The following TIMM17A variants were observed in gnomAD, a reference collection of about 807,000 sequenced individuals.
TIMM17A encodes the protein mitochondrial import inner membrane translocase subunit Tim17-A.
In TIMM17A, 15 loss-of-function variants were observed where a neutral mutation model predicts 26.5. That is an observed-to-expected ratio of 0.57 (90% CI 0.38 to 0.87). The LOEUF (loss-of-function observed/expected upper bound fraction) is 0.87, where lower values mean the gene tolerates loss of function less well. TIMM17A is among the 40% of genes least tolerant of loss of function. The pLI is 0.00. For missense variants in TIMM17A, 201 were observed against 210.0 expected (o/e 0.96, Z 0.27); for synonymous variants, 80 against 70.8 (o/e 1.13, Z -0.66).
chr1:201,968,862 T>C (rs1343845671), intron 5 of TIMM17A, among the ~76,000 whole-genome samples: 1 of 151,468 alleles, frequency 6.6e-6, no homozygotes, highest in Non-Finnish European at 1.5e-5. Flanking sequence ...GGAGAAAAGA[T>C]TGATTCATCC....
At chr1:201,963,011 T>C (rs1228432617) in intron 3 of TIMM17A, 3 of 152,212 alleles carry the variant, frequency 2.0e-5, no homozygotes, top group Admixed American at 6.5e-5. Flanking sequence ...CAGAGAGATA[T>C]GTTATTCTGG....
chr1:201,969,398 A>G lies in TIMM17A; in HGVS notation c.431-71A>G, dbSNP rs1348603532. 5.7e-6 allele frequency: 7 copies of G among 1,225,702 alleles called. No individual in the cohort carries two copies. In the East Asian group the frequency reaches 9.8e-5, roughly 17 times the overall value. 75.9% of individuals were successfully genotyped at this position (1,225,702 alleles called of 1,614,324 possible). A position where few individuals can be genotyped will look rare whatever the true frequency, so the allele number is the denominator to read the frequency against. The stretch of plus-strand genomic sequence containing the variant: ...TTTGTTGTTGATTGATTTACTCTCT[A>G]TAGAGATTTGTTCTTTTTAATAATA... On this transcript the variant is annotated intron_variant, in intron 5 of 5. Transcript: ENST00000367287.
chr1:201,969,254 A>AGCAT (rs1190156158), intron 5 of TIMM17A, among the ~76,000 whole-genome samples: 1 of 152,148 alleles, frequency 6.6e-6, no homozygotes. Flanking sequence ...TTCATTCTGG[A>AGCAT]GCATAGCAAG....
chr1:201,962,056 T>G (rs1204828440), intron 3 of TIMM17A, among the ~76,000 whole-genome samples: 1 of 152,166 alleles, frequency 6.6e-6, no homozygotes, highest in African/African-American at 2.4e-5. Context: ...CTCATCCTGC[T>G]TAGACTCAAA....
intron 3 of TIMM17A, chr1:201,962,827 T>G (rs1682557376): frequency 6.6e-6 from 1 of 152,260 alleles, no homozygotes; most frequent in African/African-American, 2.4e-5. Flanking sequence ...ACACCTGTAA[T>G]ACGTTCCAGA....
intron 2 of TIMM17A, 59 bp from the exon 3 acceptor site, chr1:201,957,452 C>T: frequency 6.3e-7 from 1 of 1,595,310 alleles, no homozygotes; most frequent in Non-Finnish European, 8.6e-7. Flanking sequence ...GTGGTCCCAT[C>T]AGTGGCTTAG....
chr1:201,968,074 G>A (rs1682667469), intron 5 of TIMM17A, among the ~76,000 whole-genome samples: 2 of 152,248 alleles, frequency 1.3e-5, no homozygotes, highest in South Asian at 4.1e-4. Flanking sequence ...TCAGCTTACT[G>A]CACCCTCCGC....
chr1:201,966,846 A>AATAT (rs954232009), intron 5 of TIMM17A, among the ~76,000 whole-genome samples: 1 of 144,314 alleles, frequency 6.9e-6, no homozygotes, highest in Non-Finnish European at 1.5e-5. Flanking sequence ...CATCTCAAAA[A>AATAT]ATATATATAT....
chr1:201,966,269 C>T (rs549604563), intron 5 of TIMM17A, among the ~76,000 whole-genome samples: 108 of 151,972 alleles, frequency 7.1e-4, no homozygotes, highest in South Asian at 8.3e-4. Context: ...TCAGGAGGCA[C>T]GAGAATCAGT....
intron 4 of TIMM17A, among the ~76,000 whole-genome samples, 182 bp downstream of exon 4, chr1:201,963,926 A>G (rs1682577869): frequency 6.6e-6 from 1 of 151,908 alleles, no homozygotes; most frequent in Admixed American, 6.6e-5. Context: ...GGAGCTTGAG[A>G]TCAGATATAG....
At chr1:201,957,011 TTAGG>T (rs1373693645) in intron 1 of TIMM17A, among the ~76,000 whole-genome samples, 1 of 151,952 alleles carries the variant, frequency 6.6e-6, no homozygotes, top group Non-Finnish European at 1.5e-5. Flanking sequence ...TACTAAATCA[TTAGG>T]TAGCCCCTTT....
intron 1 of TIMM17A, among the ~76,000 whole-genome samples, chr1:201,956,521 A>G (rs1445587751): frequency 6.6e-6 from 1 of 152,202 alleles, no homozygotes; most frequent in African/African-American, 2.4e-5. Context: ...TGGCTCTTCA[A>G]ACTTATCTTC....
intron 1 of TIMM17A, 41 bp downstream of exon 1, chr1:201,955,593 G>GC: frequency 1.2e-5 from 19 of 1,613,870 alleles, no homozygotes; most frequent in Non-Finnish European, 1.5e-5. Context: ...TTGCCCCCCT[G>GC]CCCACTGCCC....
intron 5 of TIMM17A, 29 bp downstream of exon 5, chr1:201,965,572 C>T: frequency 7.2e-7 from 1 of 1,386,916 alleles, no homozygotes; most frequent in Non-Finnish European, 1.0e-6. Context: ...AACTATAGCT[C>T]AAACATTTTG....
chr1:201,966,991 T>TTATA (rs572223784), intron 5 of TIMM17A, among the ~76,000 whole-genome samples: 1 of 133,098 alleles, frequency 7.5e-6, no homozygotes, highest in Non-Finnish European at 1.6e-5. Flanking sequence ...ATTATATATG[T>TTATA]TGTGTGTGTG....
chr1:201,969,275 A>C (rs1243643750), intron 5 of TIMM17A, among the ~76,000 whole-genome samples, 194 bp from the exon 6 acceptor site: 2 of 152,196 alleles, frequency 1.3e-5, no homozygotes, highest in Non-Finnish European at 2.9e-5. Context: ...CCAGTCTGTC[A>C]TATGTTATAC....
intron 3 of TIMM17A, chr1:201,962,983 G>A (rs1232126462): frequency 6.6e-6 from 1 of 152,056 alleles, no homozygotes; most frequent in Non-Finnish European, 1.5e-5. Flanking sequence ...GTTTGATTTT[G>A]TTTATTGCTG....
chr1:201,959,845 A>T (rs1293921094), intron 3 of TIMM17A, among the ~76,000 whole-genome samples: 2 of 151,202 alleles, frequency 1.3e-5, no homozygotes, highest in Non-Finnish European at 2.9e-5. Flanking sequence ...AACAACAACA[A>T]AAAAAATTAG....
chr1:201,955,702 AGTCGGCTTCTT>A, intron 1 of TIMM17A, 150 bp downstream of exon 1: 1 of 1,116,416 alleles, frequency 9.0e-7, no homozygotes, highest in Non-Finnish European at 1.3e-6. Flanking sequence ...TTTCGCGGCC[AGTCGGCTTCTT>A]AGCCCTGTAC....
Sources: gnomAD v4.1 joint callset for allele counts (sites outside exome capture counted in the v4.1 genomes callset) on GRCh38, gnomAD v4.1.1 for gene constraint, MANE v1.5 for transcripts, NCBI Gene and HGNC (gene_info 2026-07-23, HGNC 2026-07-21) for gene names.